The following LOC128706665 variants were observed in gnomAD, a reference collection of about 807,000 sequenced individuals.
At chr20:10,420,581 A>G in the LOC128706665 span, 1 of 152,238 alleles carries the variant, frequency 6.6e-6, no homozygotes, top group Non-Finnish European at 1.5e-5. Flanking sequence ...TGAAGATTTG[A>G]AAGTCCCAGA....
the LOC128706665 span, among the ~76,000 whole-genome samples, chr20:10,427,993 G>A: frequency 6.6e-6 from 1 of 152,214 alleles, no homozygotes; most frequent in Non-Finnish European, 1.5e-5. Flanking sequence ...AGTATCTTAT[G>A]TCTTTTGCTA....
chr20:10,424,018 G>A, the LOC128706665 span, among the ~76,000 whole-genome samples: 2 of 152,172 alleles, frequency 1.3e-5, no homozygotes, highest in Admixed American at 6.5e-5. Context: ...ACTATTTTCT[G>A]ACAGATAATT....
chr20:10,425,053 CAA>C, the LOC128706665 span, among the ~76,000 whole-genome samples: 9 of 122,264 alleles, frequency 7.4e-5, no homozygotes, highest in Non-Finnish European at 8.8e-5. Context: ...AACTCCGTCT[CAA>C]AAAAAAAAAA....
chr20:10,416,264 A>G, the LOC128706665 span, among the ~76,000 whole-genome samples: 2 of 152,316 alleles, frequency 1.3e-5, no homozygotes, highest in African/African-American at 2.4e-5. Flanking sequence ...GAAAATACAA[A>G]CAGGTGAAAG....
At chr20:10,418,506 C>T in the LOC128706665 span, among the ~76,000 whole-genome samples, 1 of 151,970 alleles carries the variant, frequency 6.6e-6, no homozygotes, top group Non-Finnish European at 1.5e-5. Context: ...ACTCTAAATC[C>T]GGCTCTAACT....
At chr20:10,418,609 T>A in the LOC128706665 span, among the ~76,000 whole-genome samples, 6,119 of 152,184 alleles carry the variant, frequency 0.04, 401 homozygotes, top group African/African-American at 0.14. Context: ...TGCACTGGCA[T>A]CTAAAATCTC....
the LOC128706665 span, among the ~76,000 whole-genome samples, chr20:10,426,102 CA>C: frequency 6.6e-6 from 1 of 152,122 alleles, no homozygotes; most frequent in African/African-American, 2.4e-5. Flanking sequence ...TCATATTTTT[CA>C]TTTTGTTTTG....
chr20:10,431,779 T>C, the LOC128706665 span: 10 of 152,240 alleles, frequency 6.6e-5, no homozygotes, highest in South Asian at 4.1e-4. Flanking sequence ...TTCTCTGCTA[T>C]ATTCCTAGTG....
the LOC128706665 span, among the ~76,000 whole-genome samples, chr20:10,425,089 C>G: frequency 6.6e-6 from 1 of 151,448 alleles, no homozygotes; most frequent in Non-Finnish European, 1.5e-5. Context: ...ATTAGCATTA[C>G]TGTTCTTTTC....
chr20:10,414,737 T>C, the LOC128706665 span, among the ~76,000 whole-genome samples: 1 of 152,210 alleles, frequency 6.6e-6, no homozygotes, highest in Admixed American at 6.5e-5. Flanking sequence ...GCTGTTGGCA[T>C]GTCTACTGCA....
At chr20:10,417,384 G>A in the LOC128706665 span, among the ~76,000 whole-genome samples, 1 of 152,210 alleles carries the variant, frequency 6.6e-6, no homozygotes, top group Non-Finnish European at 1.5e-5. Context: ...GCCAAGGCAG[G>A]AGGATTGCTT....
the LOC128706665 span, among the ~76,000 whole-genome samples, chr20:10,427,263 A>G: frequency 2.0e-5 from 3 of 152,142 alleles, no homozygotes; most frequent in Non-Finnish European, 4.4e-5. Flanking sequence ...AAATGTTCTC[A>G]TTTTGCCTAT....
chr20:10,422,708 A>G, the LOC128706665 span, among the ~76,000 whole-genome samples: 3 of 147,004 alleles, frequency 2.0e-5, no homozygotes, highest in East Asian at 6.1e-4. Flanking sequence ...ATCAAGTTAT[A>G]TTATCTTTTT....
the LOC128706665 span, among the ~76,000 whole-genome samples, chr20:10,433,043 G>T: frequency 1.3e-5 from 2 of 152,106 alleles, no homozygotes; most frequent in Admixed American, 1.3e-4. Flanking sequence ...AGTCTCTGTC[G>T]CCCAACCTGG....
the LOC128706665 span, among the ~76,000 whole-genome samples, chr20:10,420,083 C>T: frequency 6.6e-6 from 1 of 151,972 alleles, no homozygotes; most frequent in Non-Finnish European, 1.5e-5. Context: ...TAACTTCATC[C>T]TCTTTATTTC....
chr20:10,420,978 C>G, the LOC128706665 span, among the ~76,000 whole-genome samples: 1 of 152,196 alleles, frequency 6.6e-6, no homozygotes, highest in Non-Finnish European at 1.5e-5. Context: ...CAGAGCAATA[C>G]TGACTTTTTG....
the LOC128706665 span, among the ~76,000 whole-genome samples, chr20:10,426,952 G>A: frequency 1.3e-5 from 2 of 151,698 alleles, no homozygotes; most frequent in Admixed American, 1.3e-4. Context: ...AGAAGAGGGA[G>A]AACTTGCTAT....
chr20:10,430,047 A>G, the LOC128706665 span, among the ~76,000 whole-genome samples: 1 of 150,948 alleles, frequency 6.6e-6, no homozygotes, highest in Non-Finnish European at 1.5e-5. Context: ...ACAAAAAAAC[A>G]AAAACAAAAA....
chr20:10,429,616 C>A, the LOC128706665 span, among the ~76,000 whole-genome samples: 1 of 152,192 alleles, frequency 6.6e-6, no homozygotes, highest in African/African-American at 2.4e-5. Context: ...ATCTACTAAG[C>A]CATTCAATTC....
Sources: allele counts gnomAD v4.1 joint callset (sites outside exome capture counted in the v4.1 genomes callset), GRCh38; gene constraint gnomAD v4.1.1; transcripts MANE v1.5.